Variants in RANBP2 observed in about 807,000 individuals in gnomAD.
The protein encoded by RANBP2 is E3 SUMO-protein ligase RanBP2.
A neutral mutation model predicts 303.6 loss-of-function variants in RANBP2; 57 were observed. The observed-to-expected ratio is 0.19, with a 90% confidence interval of 0.15 to 0.23. The LOEUF is 0.23. Ranked by LOEUF, RANBP2 falls within the 10% of genes least tolerant of loss-of-function variation. RANBP2 has a pLI of 1.00. For missense variants in RANBP2, 3,138 were observed against 3,780.8 expected (o/e 0.83, Z 4.46); for synonymous variants, 1,167 against 1,301.5 (o/e 0.90, Z 2.23).
At chr2:109,304,365 T>A in the RANBP2 span, among the ~76,000 whole-genome samples, 1 of 152,220 alleles carries the variant, frequency 6.6e-6, no homozygotes, top group African/African-American at 2.4e-5. Context: ...ACTGGCTTAT[T>A]TCGTTTAACA....
At chr2:109,345,071 C>T in the RANBP2 span, among the ~76,000 whole-genome samples, 1 of 152,174 alleles carries the variant, frequency 6.6e-6, no homozygotes, top group Non-Finnish European at 1.5e-5. Flanking sequence ...AAGACAGAAT[C>T]CCCGTGACTC....
At chr2:108,724,803 C>G (rs1422547857) in intron 1 of RANBP2, among the ~76,000 whole-genome samples, 1 of 151,612 alleles carries the variant, frequency 6.6e-6, no homozygotes, top group Non-Finnish European at 1.5e-5. Flanking sequence ...TCCTCATTGT[C>G]CTGTATAATC....
At chr2:109,594,060 G>A in the RANBP2 span, among the ~76,000 whole-genome samples, 1 of 152,094 alleles carries the variant, frequency 6.6e-6, no homozygotes, top group Non-Finnish European at 1.5e-5. Flanking sequence ...ATAGACACAG[G>A]TCTGATTTGA....
the RANBP2 span, among the ~76,000 whole-genome samples, chr2:109,530,193 G>A: frequency 1.3e-5 from 2 of 152,212 alleles, no homozygotes; most frequent in African/African-American, 4.8e-5. Context: ...ACTCATGGGT[G>A]TGGCAATGTG....
the RANBP2 span, among the ~76,000 whole-genome samples, chr2:109,480,073 TC>T: frequency 6.6e-6 from 1 of 152,310 alleles, no homozygotes; most frequent in South Asian, 2.1e-4. Flanking sequence ...AAGGACCCCA[TC>T]CTGGCACTTC....
chr2:108,748,661 T>A (rs1013170195), intron 8 of RANBP2, among the ~76,000 whole-genome samples: 2 of 152,186 alleles, frequency 1.3e-5, no homozygotes, highest in East Asian at 1.9e-4. Context: ...GAAATGCAAA[T>A]ATGTTTGGCA....
chr2:108,929,346 C>T, the RANBP2 span: 28 of 1,613,994 alleles, frequency 1.7e-5, no homozygotes, highest in African/African-American at 4.0e-5. Context: ...GGGACGCAGC[C>T]GTAGTCCTCG....
At chr2:109,465,785 G>C in the RANBP2 span, among the ~76,000 whole-genome samples, 77 of 152,252 alleles carry the variant, frequency 5.1e-4, no homozygotes, top group African/African-American at 1.8e-3. Flanking sequence ...AGGAGCAAGA[G>C]GGGAGGGAGG....
chr2:109,285,578 G>A, the RANBP2 span, among the ~76,000 whole-genome samples: 3 of 152,206 alleles, frequency 2.0e-5, no homozygotes, highest in Non-Finnish European at 4.4e-5. Flanking sequence ...GGTGCGTCAT[G>A]TTCTGGCCAC....
chr2:108,947,204 C>T, the RANBP2 span, among the ~76,000 whole-genome samples: 3 of 152,242 alleles, frequency 2.0e-5, no homozygotes, highest in Non-Finnish European at 2.9e-5. Flanking sequence ...GACTCCATGT[C>T]TCACATCCAG....
the RANBP2 span, among the ~76,000 whole-genome samples, chr2:109,645,069 G>A: frequency 2.6e-5 from 4 of 152,138 alleles, no homozygotes; most frequent in South Asian, 2.1e-4. Flanking sequence ...ACAAGCCAGC[G>A]GGATCCTAAA....
chr2:109,373,646 T>G, the RANBP2 span, among the ~76,000 whole-genome samples: 197 of 152,230 alleles, frequency 1.3e-3, no homozygotes, highest in Non-Finnish European at 2.4e-3. Flanking sequence ...ACCTTGGGGA[T>G]TCTGACTGGA....
the RANBP2 span, among the ~76,000 whole-genome samples, chr2:109,222,490 C>T: frequency 2.1e-5 from 3 of 143,228 alleles, no homozygotes; most frequent in Non-Finnish European, 2.9e-5. Context: ...AAAGTTCCTC[C>T]AAAAAAATAA....
At chr2:109,743,052 C>CT in the RANBP2 span, among the ~76,000 whole-genome samples, 2 of 148,156 alleles carry the variant, frequency 1.3e-5, no homozygotes, top group African/African-American at 2.6e-5. Context: ...GGGAGAATCA[C>CT]TTGAGCTCAG....
chr2:109,392,935 G>C, the RANBP2 span, among the ~76,000 whole-genome samples: 2 of 152,192 alleles, frequency 1.3e-5, no homozygotes, highest in Admixed American at 1.3e-4. Context: ...CCTATGAGGA[G>C]GGCGAAGGAA....
the RANBP2 span, among the ~76,000 whole-genome samples, chr2:109,374,066 C>A: frequency 2.0e-5 from 3 of 152,170 alleles, no homozygotes; most frequent in Non-Finnish European, 4.4e-5. Flanking sequence ...CCTTAAAGCC[C>A]TCCTCCCTCA....
the RANBP2 span, among the ~76,000 whole-genome samples, chr2:109,597,531 G>A: frequency 1.3e-5 from 2 of 152,124 alleles, no homozygotes; most frequent in Non-Finnish European, 2.9e-5. Flanking sequence ...TCGTTTCAAC[G>A]CACAAGGGGG....
chr2:109,433,457 C>T, the RANBP2 span, among the ~76,000 whole-genome samples: 1 of 152,230 alleles, frequency 6.6e-6, no homozygotes, highest in Admixed American at 6.5e-5. Context: ...TGAGGATCCA[C>T]AGCTTGGTGA....
At chr2:109,484,687 T>G in the RANBP2 span, among the ~76,000 whole-genome samples, 3 of 152,142 alleles carry the variant, frequency 2.0e-5, no homozygotes, top group African/African-American at 7.2e-5. Context: ...AAAAAGAAAC[T>G]CACAAGTGAT....
Sources: allele counts gnomAD v4.1 joint callset (sites outside exome capture counted in the v4.1 genomes callset), GRCh38; gene constraint gnomAD v4.1.1; transcripts MANE v1.5; gene names NCBI Gene and HGNC (gene_info 2026-07-23, HGNC 2026-07-21).